The following YES1 variants were observed in gnomAD, a reference collection of about 807,000 sequenced individuals.
The protein encoded by YES1 is tyrosine-protein kinase Yes.
YES1 carries 39 observed loss-of-function variants against 70.4 expected under a neutral mutation model. The observed-to-expected ratio is 0.55, with a 90% confidence interval of 0.43 to 0.72. The LOEUF (loss-of-function observed/expected upper bound fraction) is 0.72. Among genes scored for constraint, YES1 ranks in the 30% least tolerant of loss-of-function variants. YES1 has a pLI of 0.00. For synonymous variants in YES1, 198 were observed against 218.6 expected, an observed-to-expected ratio of 0.91 and a Z score of 0.83; for missense variants, 495 against 644.8, an observed-to-expected ratio of 0.77 and a Z score of 2.52.
rs140010323 is a variant in YES1, at chr18:781,731, C to T, written c.-8-24896G>A. Reference sequence around the variant, plus strand: ...CTTATTAGCTACTGTGATCCTTGATCAAATTACTTTATCTTTCCTAAGACT... The same window carrying T: ...CTTATTAGCTACTGTGATCCTTGATTAAATTACTTTATCTTTCCTAAGACT... On this transcript the variant is annotated intron_variant, in intron 1 of 11. Coordinates refer to ENST00000314574, the MANE Select transcript of YES1 (RefSeq NM_005433.4). Among the ~76,000 whole-genome samples the T allele has an allele frequency of 1.3e-3, 192 of 152,164 alleles. 1 individual carries two copies. Among genetic ancestry groups the T allele is most frequent in the Non-Finnish European group, 1.7e-3 (118 of 68,000 alleles).
At chr18:764,544 T>C (rs1476375306) in intron 1 of YES1, among the ~76,000 whole-genome samples, 1 of 151,834 alleles carries the variant, frequency 6.6e-6, no homozygotes, top group African/African-American at 2.4e-5. Context: ...TTTAACCAAG[T>C]GGAGAGTAAC....
At chr18:733,073 G>A (rs2080111032) in intron 10 of YES1, 108 bp from the exon 11 acceptor site, 1 of 1,042,836 alleles carries the variant, frequency 9.6e-7, no homozygotes, top group Non-Finnish European at 1.4e-6. Context: ...GTAGTCATCA[G>A]TGTCAATTCT....
At chr18:803,580 T>C (rs1906934577) in intron 1 of YES1, among the ~76,000 whole-genome samples, 1 of 152,226 alleles carries the variant, frequency 6.6e-6, no homozygotes, top group African/African-American at 2.4e-5. Context: ...TCACTGCCAC[T>C]AGCAAGCAGG....
intron 2 of YES1, among the ~76,000 whole-genome samples, chr18:754,763 T>C (rs1172547107): frequency 6.6e-6 from 1 of 152,054 alleles, no homozygotes; most frequent in Non-Finnish European, 1.5e-5. Flanking sequence ...TTGAGATAGC[T>C]TTCCCTGATT....
intron 6 of YES1, among the ~76,000 whole-genome samples, chr18:743,967 TAATA>T (rs1375500235): frequency 6.7e-6 from 1 of 149,430 alleles, no homozygotes; most frequent in African/African-American, 2.4e-5. Flanking sequence ...ATGTATATAC[TAATA>T]TATAGTAAAT....
At chr18:768,694 T>C (rs1905019347) in intron 1 of YES1, among the ~76,000 whole-genome samples, 1 of 149,424 alleles carries the variant, frequency 6.7e-6, no homozygotes, top group Non-Finnish European at 1.5e-5. Context: ...TTAGATATGT[T>C]ATTTATTTAT....
At chr18:790,843 G>T (rs577238202) in intron 1 of YES1, among the ~76,000 whole-genome samples, 1 of 152,312 alleles carries the variant, frequency 6.6e-6, no homozygotes, top group South Asian at 2.1e-4. Flanking sequence ...TGCTTTCTTG[G>T]TTGTAGTATC....
intron 1 of YES1, among the ~76,000 whole-genome samples, chr18:769,452 T>A (rs1905060239): frequency 6.6e-6 from 1 of 152,284 alleles, no homozygotes; most frequent in East Asian, 1.9e-4. Context: ...GTACCTCCAG[T>A]GCAATGTCGA....
chr18:809,951 T>G (rs1907288361), intron 1 of YES1, among the ~76,000 whole-genome samples: 1 of 151,528 alleles, frequency 6.6e-6, no homozygotes, highest in Non-Finnish European at 1.5e-5. Flanking sequence ...ATATTTCCCT[T>G]CATAGAACCA....
intron 1 of YES1, among the ~76,000 whole-genome samples, chr18:792,964 C>T (rs1265901349): frequency 6.6e-6 from 1 of 151,370 alleles, no homozygotes; most frequent in Non-Finnish European, 1.5e-5. Context: ...CTATAAAGTT[C>T]AAGTCAACTT....
intron 1 of YES1, among the ~76,000 whole-genome samples, chr18:809,567 C>T (rs565452089): frequency 1.3e-5 from 2 of 152,264 alleles, no homozygotes; most frequent in East Asian, 3.9e-4. Context: ...TCCTAAAGTG[C>T]TGGGATTACA....
At chr18:747,328 G>A (rs2080292277) in intron 4 of YES1, among the ~76,000 whole-genome samples, 1 of 152,256 alleles carries the variant, frequency 6.6e-6, no homozygotes, top group African/African-American at 2.4e-5. Context: ...AATTAGCTGG[G>A]CGTGGTGGTG....
intron 8 of YES1, 26 bp from the exon 9 acceptor site, chr18:739,837 A>T: frequency 6.4e-7 from 1 of 1,569,210 alleles, no homozygotes; most frequent in African/African-American, 1.4e-5. Flanking sequence ...AGATATTCAT[A>T]AAAAATAAGC....
chr18:798,363 T>C (rs111294503), intron 1 of YES1, among the ~76,000 whole-genome samples: 1 of 152,244 alleles, frequency 6.6e-6, no homozygotes, highest in African/African-American at 2.4e-5. Context: ...GTAAAAATCC[T>C]ATTCATCTTC....
chr18:790,462 T>C, intron 1 of YES1, among the ~76,000 whole-genome samples: 1 of 152,232 alleles, frequency 6.6e-6, no homozygotes, highest in South Asian at 2.1e-4. Flanking sequence ...TTCATTACCT[T>C]TTCTTTTAAT....
chr18:749,858 C>G (rs1359834065), intron 3 of YES1, among the ~76,000 whole-genome samples: 2 of 116,542 alleles, frequency 1.7e-5, no homozygotes, highest in East Asian at 2.8e-4. Context: ...GACTCCGTCT[C>G]AAAAAAAAAA....
chr18:772,201 G>T (rs1905191621), intron 1 of YES1, among the ~76,000 whole-genome samples: 1 of 151,464 alleles, frequency 6.6e-6, no homozygotes, highest in Non-Finnish European at 1.5e-5. Context: ...AGCTAATTTT[G>T]TATTTTCAGT....
intron 1 of YES1, among the ~76,000 whole-genome samples, chr18:765,920 A>T (rs1221394337): frequency 2.6e-5 from 4 of 152,222 alleles, no homozygotes; most frequent in Non-Finnish European, 4.4e-5. Flanking sequence ...GAAGAATAAT[A>T]AGTGAGCCAT....
chr18:760,341 G>A (rs778925037), intron 1 of YES1, among the ~76,000 whole-genome samples: 6 of 152,018 alleles, frequency 3.9e-5, no homozygotes, highest in Admixed American at 1.3e-4. Flanking sequence ...GTGGTGGTGC[G>A]CACCTGTAGT....
Sources: allele counts gnomAD v4.1 joint callset (sites outside exome capture counted in the v4.1 genomes callset), GRCh38; gene constraint gnomAD v4.1.1; transcripts MANE v1.5; gene names NCBI Gene and HGNC (gene_info 2026-07-23, HGNC 2026-07-21).